NUDT21: variants seen among roughly 807,000 people sequenced by gnomAD.
The protein encoded by NUDT21 is cleavage and polyadenylation specificity factor subunit 5.
In NUDT21, 5 loss-of-function variants were observed where a neutral mutation model predicts 29.8. The ratio of observed to expected loss-of-function variants is 0.17; its 90% CI spans 0.09 to 0.35. The LOEUF is 0.35. NUDT21 is among the 10% of genes least tolerant of loss of function. The probability of loss-of-function intolerance (pLI) is 1.00; values close to 1 mark genes in which losing one functional copy is unlikely to be tolerated. For synonymous variants in NUDT21, 113 were observed against 98.5 expected (o/e 1.15, Z -0.87); for missense variants, 76 against 276.0 (o/e 0.28, Z 5.13).
intron 3 of NUDT21, among the ~76,000 whole-genome samples, chr16:56,445,945 T>G (rs1962213281): frequency 6.6e-6 from 1 of 152,210 alleles, no homozygotes; most frequent in Non-Finnish European, 1.5e-5. Context: ...TGACTTTAGT[T>G]TTGTTTCTCC....
intron 4 of NUDT21, among the ~76,000 whole-genome samples, chr16:56,436,506 G>A (rs1034342072): frequency 2.0e-4 from 31 of 152,340 alleles, no homozygotes; most frequent in Admixed American, 2.6e-4. Context: ...ACAATGAATT[G>A]AGGCAATTGT....
At chr16:56,447,546 T>C (rs1596958010) in intron 2 of NUDT21, 1 of 486,044 alleles carries the variant, frequency 2.1e-6, no homozygotes, top group East Asian at 3.8e-5. Flanking sequence ...AACTATTCCA[T>C]GGGGTTTCTA....
chr16:56,446,447 A>G (rs1291469568), intron 3 of NUDT21, 179 bp downstream of exon 3: 2 of 514,574 alleles, frequency 3.9e-6, no homozygotes, highest in Admixed American at 3.8e-5. Flanking sequence ...ACATTTTAAA[A>G]ATTGAAATAA....
intron 3 of NUDT21, among the ~76,000 whole-genome samples, chr16:56,445,203 ATGCTCATTGGAGCATTTCAAGTTTT>A (rs2023267477): frequency 6.6e-6 from 1 of 152,186 alleles, no homozygotes; most frequent in African/African-American, 2.4e-5. Flanking sequence ...AAAAAAGGAA[ATGCTCATTGGAGCATTTCAAGTTTT>A]GTATATGGGA....
intron 3 of NUDT21, among the ~76,000 whole-genome samples, chr16:56,444,204 AG>A (rs1397864287): frequency 1.3e-5 from 2 of 152,162 alleles, no homozygotes; most frequent in Non-Finnish European, 2.9e-5. Flanking sequence ...AGATTGCTTG[AG>A]CCCAGGAGTT....
chr16:56,441,063 T>C lies in NUDT21; in HGVS notation c.382-1317A>G, dbSNP rs1004408471. ...CCTCAAAACTACATTTTTTAAGAGA[T>C]AGGGTCTTGCTCTGTCACTCAGGCT... On this transcript the variant is annotated intron_variant, in intron 3 of 6. Coordinates refer to ENST00000300291, the MANE Select transcript of NUDT21 (RefSeq NM_007006.3). 2.0e-5 allele frequency among the ~76,000 whole-genome samples: 3 copies of C among 151,788 alleles called. No individual in the cohort carries two copies. In the East Asian group the frequency reaches 5.8e-4, roughly 30 times the overall value.
rs760344756 is a variant in NUDT21, at chr16:56,429,578, G to A, written c.*3134C>T. 1 of 152,112 alleles carries A rather than the reference G, an allele frequency of 6.6e-6. No homozygotes were observed. The highest frequency in any genetic ancestry group is 1.5e-5 in the Non-Finnish European group (1 of 68,016). 9.4% of individuals were successfully genotyped at this position (152,112 alleles called of 1,614,324 possible). A position where few individuals can be genotyped will look rare whatever the true frequency, so the allele number is the denominator to read the frequency against. On this transcript the variant is annotated 3_prime_UTR_variant, in exon 7 of 7. Coordinates refer to ENST00000300291, the MANE Select transcript of NUDT21 (RefSeq NM_007006.3). ...GGCTCAAATCAAATTACAGTATTAG[G>A]TTTCTCATCACGATTTGAACAAAAG... is the stretch of plus-strand genomic sequence containing the variant.
At chr16:56,447,327 A>T (rs764245547) in intron 2 of NUDT21, among the ~76,000 whole-genome samples, 1 of 152,224 alleles carries the variant, frequency 6.6e-6, no homozygotes, top group Non-Finnish European at 1.5e-5. Flanking sequence ...TCATCTAAGT[A>T]TTGGAGACTT....
rs1222477367 is a variant in NUDT21 at position 56,451,297 on chromosome 16, C to G, written c.-95G>C. The stretch of plus-strand genomic sequence containing the variant: ...CGGTTATCTGCAATCCCCTCAGCGG[C>G]TACTGCCCGCCATTAACAGGACAGC... On this transcript the variant is annotated 5_prime_UTR_variant, in exon 1 of 7. Coordinates refer to ENST00000300291, the MANE Select transcript of NUDT21 (RefSeq NM_007006.3). 1 of 958,666 alleles carries G rather than the reference C, an allele frequency of 1.0e-6. No homozygotes were observed. The highest frequency in any genetic ancestry group is 2.5e-5 in the East Asian group (1 of 40,514). 59.4% of individuals were successfully genotyped at this position (958,666 alleles called of 1,614,324 possible). A position where few individuals can be genotyped will look rare whatever the true frequency, so the allele number is the denominator to read the frequency against.
chr16:56,450,860 G>A (rs1962297416), intron 1 of NUDT21, among the ~76,000 whole-genome samples: 2 of 152,204 alleles, frequency 1.3e-5, no homozygotes, highest in Admixed American at 1.3e-4. Context: ...CATTATGACC[G>A]AATACATAGG....
intron 4 of NUDT21, 92 bp downstream of exon 4, chr16:56,439,565 A>G: frequency 2.3e-6 from 2 of 856,518 alleles, no homozygotes; most frequent in Non-Finnish European, 3.9e-6. Context: ...GAAAATTTCA[A>G]GTCAAATTCT....
intron 4 of NUDT21, among the ~76,000 whole-genome samples, chr16:56,437,739 C>T (rs74937101): frequency 8.7e-4 from 132 of 152,252 alleles, no homozygotes; most frequent in Non-Finnish European, 1.6e-3. Flanking sequence ...CTCTCTCTCC[C>T]CTGTATTCTG....
intron 3 of NUDT21, among the ~76,000 whole-genome samples, chr16:56,446,176 GA>G (rs1323378431): frequency 6.6e-6 from 1 of 152,130 alleles, no homozygotes. Context: ...AAAAATATGT[GA>G]AAAAAGTGAA....
At chr16:56,450,463 A>T (rs1962279790) in intron 1 of NUDT21, among the ~76,000 whole-genome samples, 1 of 152,188 alleles carries the variant, frequency 6.6e-6, no homozygotes, top group Admixed American at 6.5e-5. Flanking sequence ...ACTCCCAAGG[A>T]GGGGCCTACT....
intron 3 of NUDT21, among the ~76,000 whole-genome samples, chr16:56,444,623 A>C (rs566901164): frequency 1.6e-4 from 24 of 151,276 alleles, no homozygotes; most frequent in African/African-American, 5.1e-4. Context: ...ACAAAAACAA[A>C]AAAAAAAAAA....
At chr16:56,444,614 C>CAAAAAAAAAAAAAAAA (rs1962196888) in intron 3 of NUDT21, among the ~76,000 whole-genome samples, 1 of 116,790 alleles carries the variant, frequency 8.6e-6, no homozygotes, top group African/African-American at 3.2e-5. Context: ...AAAAAAAAAA[C>CAAAAAAAAAAAAAAAA]AAAAACAAAA....
chr16:56,450,986 A>G, intron 1 of NUDT21, 101 bp downstream of exon 1: 2 of 875,542 alleles, frequency 2.3e-6, no homozygotes, highest in South Asian at 1.5e-5. Context: ...GGAGGCGGGG[A>G]GGTGCAGAGG....
At chr16:56,437,785 C>T (rs1185668711) in intron 4 of NUDT21, among the ~76,000 whole-genome samples, 1 of 152,128 alleles carries the variant, frequency 6.6e-6, no homozygotes, top group Admixed American at 6.5e-5. Context: ...CTGCCTGTAC[C>T]CAAGTCTTGG....
At chr16:56,450,151 C>A (rs1254046737) in intron 1 of NUDT21, among the ~76,000 whole-genome samples, 1 of 152,122 alleles carries the variant, frequency 6.6e-6, no homozygotes, top group Admixed American at 6.6e-5. Flanking sequence ...GCACTTGTAC[C>A]CTGACTGGCA....
Sources: gnomAD v4.1 joint callset for allele counts (sites outside exome capture counted in the v4.1 genomes callset) on GRCh38, gnomAD v4.1.1 for gene constraint, MANE v1.5 for transcripts, NCBI Gene and HGNC (gene_info 2026-07-23, HGNC 2026-07-21) for gene names.